The following SP100 variants were observed in gnomAD, a reference collection of about 807,000 sequenced individuals.
SP100 encodes SP100 nuclear body protein.
A neutral mutation model predicts 130.0 loss-of-function variants in SP100; 84 were observed. That is an observed-to-expected ratio of 0.65 (90% CI 0.54 to 0.77). SP100 has a LOEUF of 0.77. Among genes scored for constraint, SP100 ranks in the 30% least tolerant of loss-of-function variants. SP100 has a pLI of 0.00. For synonymous variants in SP100, 331 were observed against 351.7 expected, an observed-to-expected ratio of 0.94 and a Z score of 0.66; for missense variants, 978 against 1,052.2, an observed-to-expected ratio of 0.93 and a Z score of 0.97.
At chr2:230,446,784 A>T in intron 4 of SP100, 35 bp from the exon 5 acceptor site, 1 of 1,317,926 alleles carries the variant, frequency 7.6e-7, no homozygotes, top group Non-Finnish European at 1.1e-6. Context: ...GTCCCTGTAG[A>T]TCTCTAATTG....
intron 24 of SP100, among the ~76,000 whole-genome samples, chr2:230,528,632 T>C (rs1691548071): frequency 6.6e-6 from 1 of 151,856 alleles, no homozygotes; most frequent in Non-Finnish European, 1.5e-5. Context: ...AATCAATGAA[T>C]CCAGGAGCTT....
intron 1 of SP100, chr2:230,416,804 C>G: frequency 1.0e-6 from 1 of 985,830 alleles, no homozygotes; most frequent in Non-Finnish European, 1.2e-6. Flanking sequence ...GCCGGCTGTT[C>G]CCATGACTGG....
intron 24 of SP100, among the ~76,000 whole-genome samples, chr2:230,527,230 G>A (rs1415843516): frequency 6.6e-6 from 1 of 152,188 alleles, no homozygotes; most frequent in Admixed American, 6.5e-5. Flanking sequence ...AGATCTCTCA[G>A]CAGAAACTCT....
intron 2 of SP100, among the ~76,000 whole-genome samples, chr2:230,423,820 G>T (rs756135195): frequency 7.9e-5 from 12 of 152,222 alleles, no homozygotes; most frequent in Admixed American, 7.2e-4. Context: ...AGTGGGGGAA[G>T]TCGTCCTCTG....
Position 230,450,237 on chromosome 2 carries a change from T to C in SP100, c.802T>C (p.Leu268=), listed in dbSNP as rs1575628629. 1.2e-6 allele frequency: 2 copies of C among 1,613,414 alleles called. No individual in the cohort carries two copies. The highest frequency in any genetic ancestry group is 2.2e-5 in the South Asian group (2 of 91,046). ...GDAGREMPCP[L]PCDEESPEAE... is the part of the protein sequence containing the mutation. Reference sequence around the variant, plus strand: ...TGCTGGAAGGGAGATGCCCTGCCCGTTGCCCTGTGATGAAGAAAGTAATTA... The same window carrying C: ...TGCTGGAAGGGAGATGCCCTGCCCGCTGCCCTGTGATGAAGAAAGTAATTA... The change falls in exon 8 of 29, where the codon TTG becomes CTG. Residue 268 remains leucine, a synonymous_variant. Coordinates refer to ENST00000340126, the MANE Select transcript of SP100 (RefSeq NM_001080391.2).
intron 24 of SP100, among the ~76,000 whole-genome samples, chr2:230,529,995 C>A (rs193240422): frequency 9.3e-4 from 142 of 152,248 alleles, no homozygotes; most frequent in African/African-American, 2.9e-3. Context: ...ATGAAAATGG[C>A]CATACTGCCC....
chr2:230,427,982 G>A (rs965100898), intron 2 of SP100, among the ~76,000 whole-genome samples: 3 of 152,212 alleles, frequency 2.0e-5, no homozygotes, highest in East Asian at 1.9e-4. Context: ...TGTAATCCCA[G>A]CACTTTGAGA....
chr2:230,442,984 T>C lies in SP100; in HGVS notation c.155T>C (p.Ile52Thr), dbSNP rs762839985. The change falls in exon 3 of 29, where the codon ATT (isoleucine) becomes ACT (threonine). Residue 52 changes from isoleucine to threonine, a missense_variant. Transcript: ENST00000340126. ...GTAGATGACAGGCTGCTCTATGACA[T>C]TGTATTCAAGCACTTCAAAAGAAAT... ...QGVDDRLLYD[I>T]VFKHFKRNKV... 7 of 1,613,978 alleles carry C rather than the reference T, an allele frequency of 4.3e-6. No homozygotes were observed. The East Asian group carries it at 6.7e-5, about 15-fold the overall frequency.
At chr2:230,495,178 G>C (rs529597896) in intron 18 of SP100, among the ~76,000 whole-genome samples, 1 of 152,128 alleles carries the variant, frequency 6.6e-6, no homozygotes, top group Admixed American at 6.6e-5. Context: ...GGGAACAGGA[G>C]GAAGTGTTAG....
chr2:230,528,265 A>G (rs145973466), intron 24 of SP100, among the ~76,000 whole-genome samples: 3 of 152,360 alleles, frequency 2.0e-5, no homozygotes, highest in Non-Finnish European at 4.4e-5. Flanking sequence ...AGAACTCAAG[A>G]TTAATAAACT....
intron 4 of SP100, 62 bp downstream of exon 4, chr2:230,444,408 C>CCTG: frequency 7.6e-7 from 1 of 1,320,678 alleles, no homozygotes; most frequent in Non-Finnish European, 1.1e-6. Context: ...TAAGTATATA[C>CCTG]TGATCTCCTA....
At chr2:230,477,232 T>C (rs2150008581) in intron 17 of SP100, among the ~76,000 whole-genome samples, 1 of 152,240 alleles carries the variant, frequency 6.6e-6, no homozygotes, top group African/African-American at 2.4e-5. Flanking sequence ...TTAAATATTA[T>C]ATATATTAAA....
chr2:230,438,180 A>T (rs897478534), intron 2 of SP100, among the ~76,000 whole-genome samples: 3 of 152,150 alleles, frequency 2.0e-5, no homozygotes, highest in Admixed American at 2.0e-4. Flanking sequence ...GATATCATCA[A>T]TATTGATGAT....
In SP100 at chr2:230,515,758, C is replaced by T. The variant is rs574480521; in HGVS notation, c.2094+4592C>T. On this transcript the variant is annotated intron_variant, in intron 24 of 28. Transcript: ENST00000340126. The stretch of plus-strand genomic sequence containing the variant: ...GACTGTGTAAGATTTGTTTTTAAAC[C>T]GTACACTGTGTTTTTTTGTATAGTT... 1.9e-4 allele frequency: 286 copies of T among 1,504,602 alleles called. No individual in the cohort carries two copies. In the African/African-American group the frequency reaches 2.9e-3, roughly 15 times the overall value. 93.2% of individuals were successfully genotyped at this position (1,504,602 alleles called of 1,614,324 possible).
At chr2:230,428,134 G>A (rs770597349) in intron 2 of SP100, among the ~76,000 whole-genome samples, 1 of 152,116 alleles carries the variant, frequency 6.6e-6, no homozygotes, top group Non-Finnish European at 1.5e-5. Flanking sequence ...GGGAGGCTGA[G>A]ACAGGAGAAT....
At chr2:230,528,715 A>G (rs766024542) in intron 24 of SP100, among the ~76,000 whole-genome samples, 4 of 152,216 alleles carry the variant, frequency 2.6e-5, no homozygotes, top group African/African-American at 4.8e-5. Context: ...AGAAGAATCA[A>G]ATAGATGCAA....
At chr2:230,498,656 G>A (rs2066835994) in intron 19 of SP100, 121 bp downstream of exon 19, 1 of 482,764 alleles carries the variant, frequency 2.1e-6, no homozygotes, top group Non-Finnish European at 3.5e-6. Flanking sequence ...TATATCAGAT[G>A]TAGTCAAGTT....
chr2:230,506,782 TACAC>T (rs57619257), intron 22 of SP100: 13,256 of 181,364 alleles, frequency 0.073, 691 homozygotes, highest in African/African-American at 0.12. Flanking sequence ...AAATGTTAAA[TACAC>T]ACACACACAC....
intron 23 of SP100, chr2:230,510,743 C>T: frequency 3.8e-6 from 1 of 260,984 alleles, no homozygotes; most frequent in South Asian, 4.2e-5. Flanking sequence ...GATCTGCCCT[C>T]CTCGGCCTCC....
Sources: gnomAD v4.1 joint callset for allele counts (sites outside exome capture counted in the v4.1 genomes callset) on GRCh38, gnomAD v4.1.1 for gene constraint, MANE v1.5 for transcripts, NCBI Gene and HGNC (gene_info 2026-07-23, HGNC 2026-07-21) for gene names.